The following CNBD2 variants were observed in gnomAD, a reference collection of about 807,000 sequenced individuals.
CNBD2 encodes the protein cyclic nucleotide binding domain containing 2, also known as cyclic nucleotide-binding domain-containing protein 2.
CNBD2 carries 64 observed loss-of-function variants against 63.7 expected under a neutral mutation model. The observed-to-expected ratio is 1.00, with a 90% CI of 0.82 to 1.24. CNBD2 has a LOEUF of 1.24. CNBD2 is among the 50% of genes most tolerant of loss of function. The pLI, the probability that CNBD2 is intolerant of heterozygous loss-of-function variation, is 0.00. For synonymous variants in CNBD2, 229 were observed against 255.4 expected, an observed-to-expected ratio of 0.90 and a Z score of 0.99; for missense variants, 691 against 713.5, an observed-to-expected ratio of 0.97 and a Z score of 0.36.
intron 7 of CNBD2, among the ~76,000 whole-genome samples, chr20:35,989,799 G>T (rs925416743): frequency 5.4e-5 from 8 of 149,224 alleles, no homozygotes; most frequent in African/African-American, 1.7e-4. Context: ...TTGAGCCCAG[G>T]AGTTTGAAAG....
chr20:35,957,472 C>G (rs369421212), downstream of CNBD2, among the ~76,000 whole-genome samples: 1 of 152,000 alleles, frequency 6.6e-6, no homozygotes. Flanking sequence ...CCTGTAATCT[C>G]AGCACTTTAG....
At chr20:36,026,538 G>C (rs1460005201) in intron 11 of CNBD2, among the ~76,000 whole-genome samples, 1 of 151,978 alleles carries the variant, frequency 6.6e-6, no homozygotes, top group Non-Finnish European at 1.5e-5. Context: ...CTACCTCAAT[G>C]ACCCACCACA....
At chr20:35,980,361 G>A (rs1226617163) in intron 3 of CNBD2, 98 bp from the exon 4 acceptor site, 10 of 1,126,214 alleles carry the variant, frequency 8.9e-6, no homozygotes. Context: ...GTGGTACAGG[G>A]AACGGGAGAG....
chr20:35,997,852 C>T (rs1179061383), intron 8 of CNBD2, among the ~76,000 whole-genome samples: 3 of 151,966 alleles, frequency 2.0e-5, no homozygotes, highest in Non-Finnish European at 2.9e-5. Flanking sequence ...TGTCAATCCA[C>T]CAGAGAAAAA....
chr20:35,977,779 G>C (rs1201445433), intron 3 of CNBD2, among the ~76,000 whole-genome samples: 1 of 152,174 alleles, frequency 6.6e-6, no homozygotes, highest in Non-Finnish European at 1.5e-5. Context: ...AAACAGTGTG[G>C]TGATTGTTGT....
chr20:35,970,081 A>G (rs2056391452), intron 1 of CNBD2, among the ~76,000 whole-genome samples: 1 of 152,244 alleles, frequency 6.6e-6, no homozygotes, highest in Non-Finnish European at 1.5e-5. Flanking sequence ...ACTTGAAGCC[A>G]GAGTTGGAAA....
intron 1 of CNBD2, 25 bp from the exon 2 acceptor site, chr20:35,972,604 G>A (rs11167280): frequency 0.1 from 165,569 of 1,610,712 alleles, 9,070 homozygotes; most frequent in South Asian, 0.17. Flanking sequence ...GGTTTCTATT[G>A]ATCTTGTTTG....
chr20:36,027,388 A>G (rs928028889), intron 11 of CNBD2, among the ~76,000 whole-genome samples: 1 of 152,210 alleles, frequency 6.6e-6, no homozygotes, highest in Non-Finnish European at 1.5e-5. Flanking sequence ...TGAGGTCTTC[A>G]TGACCTTCTC....
At chr20:35,969,234 G>A (rs985264443) in intron 1 of CNBD2, among the ~76,000 whole-genome samples, 3 of 152,186 alleles carry the variant, frequency 2.0e-5, no homozygotes, top group African/African-American at 7.2e-5. Flanking sequence ...CCTCTGTAAA[G>A]TGAGATGATA....
chr20:36,017,900 T>C (rs748993004), intron 10 of CNBD2, among the ~76,000 whole-genome samples: 7 of 152,188 alleles, frequency 4.6e-5, no homozygotes, highest in Non-Finnish European at 7.4e-5. Context: ...CCAGCCTCCA[T>C]AGTGATCAGC....
intron 3 of CNBD2, among the ~76,000 whole-genome samples, chr20:35,976,741 T>G (rs1200733273): frequency 2.0e-5 from 3 of 152,234 alleles, no homozygotes; most frequent in East Asian, 1.9e-4. Context: ...TAAAATCCAA[T>G]TTAAAATTTA....
chr20:35,959,852 A>C (rs1346316812), downstream of CNBD2, among the ~76,000 whole-genome samples: 1 of 152,248 alleles, frequency 6.6e-6, no homozygotes, highest in Non-Finnish European at 1.5e-5. Flanking sequence ...GGAAGGACTT[A>C]AAGCAGGGGA....
intron 11 of CNBD2, among the ~76,000 whole-genome samples, chr20:36,026,726 T>A (rs1301030020): frequency 2.0e-5 from 3 of 152,228 alleles, no homozygotes. Context: ...TTCCTGCTCA[T>A]TCTCTAAGAT....
chr20:35,987,253 G>A, intron 6 of CNBD2, 142 bp from the exon 7 acceptor site: 1 of 850,756 alleles, frequency 1.2e-6, no homozygotes, highest in Non-Finnish European at 1.9e-6. Context: ...CTACAGGCAA[G>A]GCCAGGTAAT....
chr20:36,023,745 G>A lies in CNBD2; in HGVS notation c.1413G>A (p.Leu471=), dbSNP rs774807442. Residue 471 remains leucine, a synonymous_variant, in exon 11 of 12, where the codon TTG becomes TTA. Coordinates refer to ENST00000373973, the MANE Select transcript of CNBD2 (RefSeq NM_001365709.1). ...IDNDDEMIKK[L]LKLNIAFPSD... The stretch of plus-strand genomic sequence containing the variant: ...ATGATGACGAGATGATAAAAAAGTT[G>A]TTAAAGCTCAATATTGCATTCCCCA... 1 of 1,613,018 alleles carries A rather than the reference G, an allele frequency of 6.2e-7. No individual in the cohort carries two copies. Among genetic ancestry groups the A allele is most frequent in the South Asian group, 1.1e-5 (1 of 90,876 alleles).
At chr20:35,982,558 A>G (rs1342773039) in intron 4 of CNBD2, among the ~76,000 whole-genome samples, 3 of 152,180 alleles carry the variant, frequency 2.0e-5, no homozygotes, top group Non-Finnish European at 1.5e-5. Flanking sequence ...ACTCACTTCA[A>G]GCACCATGCT....
chr20:35,994,590 A>G (rs558550538), intron 7 of CNBD2, among the ~76,000 whole-genome samples: 6 of 141,058 alleles, frequency 4.3e-5, no homozygotes, highest in African/African-American at 1.7e-4. Context: ...AAAAAAAAAG[A>G]AAAAAAAAAA....
chr20:36,013,130 A>G (rs1486575421), intron 10 of CNBD2, among the ~76,000 whole-genome samples: 1 of 152,022 alleles, frequency 6.6e-6, no homozygotes, highest in Non-Finnish European at 1.5e-5. Context: ...AAAAAAGAAA[A>G]AAAATCAGCC....
At chr20:35,997,266 T>C (rs759863911) in intron 8 of CNBD2, among the ~76,000 whole-genome samples, 1 of 152,138 alleles carries the variant, frequency 6.6e-6, no homozygotes, top group South Asian at 2.1e-4. Flanking sequence ...GAGATTGTAA[T>C]CTGTGTATCC....
Sources: allele counts gnomAD v4.1 joint callset (sites outside exome capture counted in the v4.1 genomes callset), GRCh38; gene constraint gnomAD v4.1.1; transcripts MANE v1.5; gene names NCBI Gene and HGNC (gene_info 2026-07-23, HGNC 2026-07-21).